The following CNTN1 variants were observed in gnomAD, a reference collection of about 807,000 sequenced individuals.
The protein encoded by CNTN1 is contactin 1, also known as contactin-1.
CNTN1 carries 38 observed loss-of-function variants against 126.4 expected under a neutral mutation model. That is an observed-to-expected ratio of 0.30 (90% CI 0.23 to 0.39). The LOEUF is 0.39. CNTN1 is among the 10% of genes least tolerant of loss of function. The pLI is 1.00. For synonymous variants in CNTN1, 413 were observed against 422.6 expected (o/e 0.98, Z 0.28); for missense variants, 1,009 against 1,248.4 (o/e 0.81, Z 2.89).
Position 40,822,152 on chromosome 12 carries a change from T to TTTTTTTTTTTTTTTTTTTTTG in CNTN1, c.-76-86204_-76-86184dup, listed in dbSNP as rs1941463987. Among the ~76,000 whole-genome samples, 2 of 69,862 alleles carry TTTTTTTTTTTTTTTTTTTTTG rather than the reference T, an allele frequency of 2.9e-5. 1 individual carries two copies. Among genetic ancestry groups the TTTTTTTTTTTTTTTTTTTTTG allele is most frequent in the Non-Finnish European group, 5.4e-5 (2 of 37,120 alleles). The allele number at this position is 69,862 out of a possible 152,430, so 45.8% of individuals were successfully genotyped here. A position where few individuals can be genotyped will look rare whatever the true frequency, so the allele number is the denominator to read the frequency against. On this transcript the variant is annotated intron_variant, in intron 1 of 23. Coordinates refer to ENST00000551295, the MANE Select transcript of CNTN1 (RefSeq NM_001843.4). ...CAGTCTAGACAAAATATAAATCTTT[T>TTTTTTTTTTTTTTTTTTTTTG]TTTTTTTTTTTTTTTTTTTTGAGGC...
At chr12:41,067,915 A>G (rs568416113) in intron 23 of CNTN1, among the ~76,000 whole-genome samples, 4 of 152,324 alleles carry the variant, frequency 2.6e-5, no homozygotes, top group Admixed American at 2.6e-4. Context: ...AATTTGTAGA[A>G]AAGTAGAAGA....
chr12:40,977,465 C>T (rs1947707473), intron 15 of CNTN1, among the ~76,000 whole-genome samples: 1 of 152,034 alleles, frequency 6.6e-6, no homozygotes, highest in Non-Finnish European at 1.5e-5. Context: ...TTGGACTGCC[C>T]TTGCCAAGAA....
At chr12:40,915,677 C>T (rs1320444305) in intron 3 of CNTN1, among the ~76,000 whole-genome samples, 1 of 152,098 alleles carries the variant, frequency 6.6e-6, no homozygotes, top group Non-Finnish European at 1.5e-5. Flanking sequence ...ATTCTCTTAA[C>T]GATGTCTTTC....
At chr12:40,752,766 C>A (rs1220499172) in intron 1 of CNTN1, among the ~76,000 whole-genome samples, 1 of 152,014 alleles carries the variant, frequency 6.6e-6, no homozygotes, top group East Asian at 1.9e-4. Context: ...AACTCTAGAA[C>A]ACTTTCTTTT....
At chr12:40,922,516 G>T in intron 5 of CNTN1, 88 bp downstream of exon 5, 1 of 1,254,168 alleles carries the variant, frequency 8.0e-7, no homozygotes, top group East Asian at 2.4e-5. Context: ...GTGAGAGGAA[G>T]GCATCATAGA....
chr12:40,777,755 A>G (rs571268227), intron 1 of CNTN1, among the ~76,000 whole-genome samples: 13 of 151,784 alleles, frequency 8.6e-5, no homozygotes, highest in African/African-American at 3.1e-4. Context: ...TGCTTTTCAA[A>G]CCCCGGTCCA....
At chr12:40,956,597 GAGAACA>G (rs2136998035) in intron 14 of CNTN1, among the ~76,000 whole-genome samples, 1 of 152,120 alleles carries the variant, frequency 6.6e-6, no homozygotes, top group South Asian at 2.1e-4. Flanking sequence ...AGAGACTGAA[GAGAACA>G]AGATACATTT....
intron 16 of CNTN1, among the ~76,000 whole-genome samples, chr12:40,985,701 G>A (rs1947940299): frequency 1.3e-5 from 2 of 152,108 alleles, no homozygotes; most frequent in Admixed American, 1.3e-4. Flanking sequence ...TTGGCTTCTT[G>A]TATTCTTAGG....
intron 1 of CNTN1, among the ~76,000 whole-genome samples, chr12:40,815,080 G>A (rs1319045561): frequency 6.6e-6 from 1 of 152,096 alleles, no homozygotes; most frequent in African/African-American, 2.4e-5. Context: ...AAGTCAGGTG[G>A]CATCATACCT....
chr12:40,933,429 T>C, intron 7 of CNTN1, 32 bp from the exon 8 acceptor site: 2 of 1,337,868 alleles, frequency 1.5e-6, no homozygotes, highest in Non-Finnish European at 2.2e-6. Context: ...TGCCTAATAA[T>C]TAGTGGATAT....
intron 1 of CNTN1, among the ~76,000 whole-genome samples, chr12:40,796,571 G>A (rs536582357): frequency 6.6e-6 from 1 of 152,102 alleles, no homozygotes; most frequent in Non-Finnish European, 1.5e-5. Flanking sequence ...AGAGTGCCCT[G>A]ATGCTGAGGT....
intron 23 of CNTN1, 90 bp from the exon 24 acceptor site, chr12:41,069,869 A>G: frequency 1.0e-6 from 1 of 994,348 alleles, no homozygotes; most frequent in Non-Finnish European, 1.6e-6. Flanking sequence ...TTCCAGGGCT[A>G]TGCAATCTCG....
chr12:40,937,805 G>T, intron 11 of CNTN1, 118 bp downstream of exon 11: 1 of 744,078 alleles, frequency 1.3e-6, no homozygotes, highest in South Asian at 1.4e-5. Flanking sequence ...AACATATGTT[G>T]GTTGTTTACT....
chr12:40,735,888 C>A (rs1937654528), intron 1 of CNTN1, among the ~76,000 whole-genome samples: 1 of 152,048 alleles, frequency 6.6e-6, no homozygotes, highest in Admixed American at 6.6e-5. Flanking sequence ...TAGAAACTCT[C>A]CTGTCCACCA....
In CNTN1 at chr12:40,959,111, C is replaced by G; in HGVS notation, c.1684-3C>G. The G allele has an allele frequency of 6.2e-7, 1 of 1,612,240 alleles. No individual in the cohort carries two copies. Among genetic ancestry groups the G allele is most frequent in the Non-Finnish European group, 8.5e-7 (1 of 1,178,872 alleles). ...TTTGAATAATTGCTGTTTTTGCTAA[C>G]AGCTGGATTCCAATGGGGAATTACT... On this transcript the variant is annotated splice_polypyrimidine_tract_variant and splice_region_variant and intron_variant, in intron 14 of 23. Coordinates refer to ENST00000551295, the MANE Select transcript of CNTN1 (RefSeq NM_001843.4).
At chr12:40,954,173 T>C (rs1349758956) in intron 14 of CNTN1, among the ~76,000 whole-genome samples, 2 of 152,086 alleles carry the variant, frequency 1.3e-5, no homozygotes, top group Admixed American at 1.3e-4. Flanking sequence ...GCTTTTTACT[T>C]GTATGCAGAC....
intron 15 of CNTN1, among the ~76,000 whole-genome samples, chr12:40,979,878 C>G (rs1284105321): frequency 6.6e-6 from 1 of 152,018 alleles, no homozygotes; most frequent in Non-Finnish European, 1.5e-5. Context: ...CTATGAAAAC[C>G]TATTTTTAAC....
intron 1 of CNTN1, among the ~76,000 whole-genome samples, chr12:40,742,719 T>G (rs779894907): frequency 6.6e-6 from 1 of 152,050 alleles, no homozygotes; most frequent in Non-Finnish European, 1.5e-5. Context: ...CAGCCTTTGC[T>G]ATTAATTCTC....
At chr12:40,877,856 T>C (rs1943721560) in intron 1 of CNTN1, among the ~76,000 whole-genome samples, 1 of 152,156 alleles carries the variant, frequency 6.6e-6, no homozygotes, top group South Asian at 2.1e-4. Flanking sequence ...AAATTTATTA[T>C]AGGCAATTAT....
Sources: allele counts gnomAD v4.1 joint callset (sites outside exome capture counted in the v4.1 genomes callset), GRCh38; gene constraint gnomAD v4.1.1; transcripts MANE v1.5; gene names NCBI Gene and HGNC (gene_info 2026-07-23, HGNC 2026-07-21).